Variants in COX7B2 observed in about 807,000 individuals in gnomAD.
The protein encoded by COX7B2 is cytochrome c oxidase subunit 7B2, mitochondrial.
For synonymous variants in COX7B2, 37 were observed against 32.1 expected (o/e 1.15, Z -0.51); for missense variants, 109 against 95.9 (o/e 1.14, Z -0.57).
At chr4:46,779,253 T>C (rs1320526686) in intron 2 of COX7B2, among the ~76,000 whole-genome samples, 1 of 152,238 alleles carries the variant, frequency 6.6e-6, no homozygotes, top group African/African-American at 2.4e-5. Flanking sequence ...GGCTTTCACA[T>C]ATAAGTGAGA....
At chr4:46,828,021 C>T (rs1451768021) in intron 2 of COX7B2, among the ~76,000 whole-genome samples, 1 of 152,078 alleles carries the variant, frequency 6.6e-6, no homozygotes, top group Non-Finnish European at 1.5e-5. Flanking sequence ...GGAGGGCACA[C>T]AGATGTATGC....
chr4:46,798,668 G>T (rs539927357), intron 2 of COX7B2, among the ~76,000 whole-genome samples: 42 of 152,228 alleles, frequency 2.8e-4, no homozygotes, highest in African/African-American at 9.6e-4. Context: ...TTAACCATGG[G>T]TCACCAAGTT....
At chr4:46,900,816 C>T (rs1720034701) in intron 1 of COX7B2, among the ~76,000 whole-genome samples, 1 of 152,138 alleles carries the variant, frequency 6.6e-6, no homozygotes, top group South Asian at 2.1e-4. Flanking sequence ...ACCAAATCTG[C>T]TGGCACCTAA....
intron 2 of COX7B2, among the ~76,000 whole-genome samples, chr4:46,779,549 G>A (rs1421527034): frequency 6.6e-6 from 1 of 152,154 alleles, no homozygotes; most frequent in Non-Finnish European, 1.5e-5. Flanking sequence ...ACCCAGAAGA[G>A]AGATTGCTGG....
chr4:46,770,661 G>GAAAA (rs113406297), intron 2 of COX7B2, among the ~76,000 whole-genome samples: 1 of 149,678 alleles, frequency 6.7e-6, no homozygotes, highest in Non-Finnish European at 1.5e-5. Flanking sequence ...AGAGAGACCA[G>GAAAA]AAAAAAAAAC....
Position 46,803,692 on chromosome 4 carries a change from T to C in COX7B2, c.-50+41268A>G, listed in dbSNP as rs115990511. Among the ~76,000 whole-genome samples the C allele has an allele frequency of 5.7e-3, 868 of 152,070 alleles. 7 individuals are homozygous for C. The highest frequency in any genetic ancestry group is 0.02 in the African/African-American group (826 of 41,472). ...GTTTCCAGTGCTTTCATATCACAAT[T>C]GTTGTTGCTCATTGGCTTAAATTAA... On this transcript the variant is annotated intron_variant, in intron 2 of 2. Coordinates refer to ENST00000355591, the MANE Select transcript of COX7B2 (RefSeq NM_130902.3).
intron 1 of COX7B2, among the ~76,000 whole-genome samples, chr4:46,900,989 A>T (rs1247508645): frequency 3.3e-5 from 5 of 152,236 alleles, no homozygotes; most frequent in African/African-American, 1.2e-4. Context: ...CTAGAACTTC[A>T]GGTGTATAAT....
At chr4:46,896,907 A>G (rs995331383) in intron 1 of COX7B2, among the ~76,000 whole-genome samples, 1 of 152,220 alleles carries the variant, frequency 6.6e-6, no homozygotes, top group Non-Finnish European at 1.5e-5. Flanking sequence ...AAGACAGAAG[A>G]TCTTGATTAC....
intron 2 of COX7B2, among the ~76,000 whole-genome samples, chr4:46,789,889 T>C (rs974146468): frequency 6.6e-6 from 1 of 152,164 alleles, no homozygotes; most frequent in African/African-American, 2.4e-5. Context: ...ATTTCCAATG[T>C]AGGTGACACT....
intron 1 of COX7B2, among the ~76,000 whole-genome samples, chr4:46,897,216 A>G (rs1347375113): frequency 1.3e-5 from 2 of 151,978 alleles, no homozygotes; most frequent in Non-Finnish European, 2.9e-5. Context: ...CTCAGGCCAC[A>G]GGCTCTGTCA....
intron 1 of COX7B2, among the ~76,000 whole-genome samples, chr4:46,846,028 T>A (rs1247211450): frequency 6.6e-6 from 1 of 152,014 alleles, no homozygotes; most frequent in Non-Finnish European, 1.5e-5. Flanking sequence ...CCAAGTAACC[T>A]AAATTTTAAA....
At chr4:46,802,803 T>G (rs180834722) in intron 2 of COX7B2, among the ~76,000 whole-genome samples, 5 of 152,136 alleles carry the variant, frequency 3.3e-5, no homozygotes, top group African/African-American at 1.2e-4. Flanking sequence ...GCTTAAATTA[T>G]CCCCACAACT....
intron 2 of COX7B2, among the ~76,000 whole-genome samples, chr4:46,831,138 C>G (rs1464977371): frequency 6.6e-6 from 1 of 152,138 alleles, no homozygotes; most frequent in Non-Finnish European, 1.5e-5. Context: ...TGGGAGTGGC[C>G]GGCCGGCCTG....
intron 2 of COX7B2, among the ~76,000 whole-genome samples, chr4:46,760,350 A>G (rs1716073133): frequency 6.6e-6 from 1 of 152,214 alleles, no homozygotes; most frequent in South Asian, 2.1e-4. Context: ...AATGTGGCAC[A>G]TATACACCAT....
chr4:46,835,877 G>A (rs142185304), intron 2 of COX7B2, among the ~76,000 whole-genome samples: 5 of 152,214 alleles, frequency 3.3e-5, no homozygotes, highest in South Asian at 2.1e-4. Context: ...GCTACTGCTC[G>A]TCTGCTACAA....
intron 2 of COX7B2, among the ~76,000 whole-genome samples, chr4:46,763,796 T>A (rs1716364399): frequency 6.6e-6 from 1 of 152,174 alleles, no homozygotes. Flanking sequence ...CAGATGTATA[T>A]ATAAATATAC....
chr4:46,903,244 A>C (rs1318816338), intron 1 of COX7B2, among the ~76,000 whole-genome samples: 1 of 152,230 alleles, frequency 6.6e-6, no homozygotes, highest in East Asian at 1.9e-4. Flanking sequence ...TGTTCAAATC[A>C]GAATGCTTAG....
intron 1 of COX7B2, among the ~76,000 whole-genome samples, chr4:46,863,423 G>A (rs983932993): frequency 6.6e-6 from 1 of 152,190 alleles, no homozygotes; most frequent in African/African-American, 2.4e-5. Flanking sequence ...GAAAATTCAT[G>A]AAGGAATTTT....
At chr4:46,843,421 A>G (rs1716067621) in intron 2 of COX7B2, among the ~76,000 whole-genome samples, 1 of 152,026 alleles carries the variant, frequency 6.6e-6, no homozygotes, top group Non-Finnish European at 1.5e-5. Context: ...TGAGACTCCG[A>G]GAGAGTCATC....
Sources: allele counts gnomAD v4.1 joint callset (sites outside exome capture counted in the v4.1 genomes callset), GRCh38; gene constraint gnomAD v4.1.1; transcripts MANE v1.5; gene names NCBI Gene and HGNC (gene_info 2026-07-23, HGNC 2026-07-21).